Variants in AFAP1 observed in about 807,000 individuals in gnomAD.
AFAP1 encodes the protein actin filament-associated protein 1.
Under a neutral mutation model 93.9 loss-of-function variants are expected in AFAP1, and 75 were observed. The ratio of observed to expected loss-of-function variants is 0.80; its 90% CI spans 0.66 to 0.97. AFAP1 has a LOEUF of 0.97. AFAP1 is among the 50% of genes least tolerant of loss of function. The pLI is 0.00. For synonymous variants in AFAP1, 517 were observed against 430.7 expected (o/e 1.20, Z -2.48); for missense variants, 1,201 against 1,050.8 (o/e 1.14, Z -1.98).
At chr4:7,782,309 G>T (rs913667171) in intron 12 of AFAP1, among the ~76,000 whole-genome samples, 4 of 152,196 alleles carry the variant, frequency 2.6e-5, no homozygotes, top group Non-Finnish European at 5.9e-5. Context: ...CCACCTGCAG[G>T]CTCCTCCAAG....
At chr4:7,803,006 G>A (rs1719197648) in intron 9 of AFAP1, among the ~76,000 whole-genome samples, 1 of 152,200 alleles carries the variant, frequency 6.6e-6, no homozygotes, top group Non-Finnish European at 1.5e-5. Context: ...GAGCACCCGA[G>A]TAACAGCGCT....
intron 8 of AFAP1, among the ~76,000 whole-genome samples, chr4:7,810,152 C>G (rs968860249): frequency 2.6e-5 from 4 of 152,212 alleles, no homozygotes; most frequent in African/African-American, 9.7e-5. Context: ...TGTGAGCCAC[C>G]GTGCCCGGCC....
intron 10 of AFAP1, among the ~76,000 whole-genome samples, chr4:7,797,223 T>C (rs977905805): frequency 6.6e-6 from 1 of 152,184 alleles, no homozygotes; most frequent in African/African-American, 2.4e-5. Flanking sequence ...ATTTAGAAAC[T>C]GTCATTATGA....
At chr4:7,888,385 T>G (rs1348715698) in intron 1 of AFAP1, among the ~76,000 whole-genome samples, 1 of 152,192 alleles carries the variant, frequency 6.6e-6, no homozygotes, top group Non-Finnish European at 1.5e-5. Flanking sequence ...CAATAAATTC[T>G]GAACTCCTCC....
intron 4 of AFAP1, among the ~76,000 whole-genome samples, chr4:7,848,083 G>A (rs1713948115): frequency 1.5e-5 from 2 of 133,294 alleles, no homozygotes; most frequent in African/African-American, 5.5e-5. Context: ...GTGGACGGAA[G>A]GAGGGAGGGA....
chr4:7,917,586 C>G (rs1720155824), intron 1 of AFAP1, among the ~76,000 whole-genome samples: 1 of 152,146 alleles, frequency 6.6e-6, no homozygotes, highest in South Asian at 2.1e-4. Context: ...AAGGCCGAAA[C>G]AGAAGGTAAA....
At chr4:7,831,245 C>A (rs1400901621) in intron 6 of AFAP1, among the ~76,000 whole-genome samples, 3 of 152,052 alleles carry the variant, frequency 2.0e-5, no homozygotes, top group Non-Finnish European at 4.4e-5. Flanking sequence ...CCTTTCTAAT[C>A]AAGACTTCTT....
At chr4:7,883,667 C>G (rs921320422) in intron 1 of AFAP1, among the ~76,000 whole-genome samples, 1 of 152,150 alleles carries the variant, frequency 6.6e-6, no homozygotes, top group Non-Finnish European at 1.5e-5. Context: ...TATTTTATAT[C>G]AAACAATAAA....
intron 6 of AFAP1, among the ~76,000 whole-genome samples, chr4:7,819,954 G>T (rs1216292619): frequency 6.6e-6 from 1 of 152,208 alleles, no homozygotes; most frequent in African/African-American, 2.4e-5. Flanking sequence ...CCCCAAGACA[G>T]GGCCTAAAGC....
chr4:7,821,459 C>T (rs564412600), intron 6 of AFAP1, among the ~76,000 whole-genome samples: 8 of 152,274 alleles, frequency 5.3e-5, no homozygotes, highest in South Asian at 4.1e-4. Context: ...CTTTCCCAGC[C>T]GCCCCCTACA....
intron 1 of AFAP1, among the ~76,000 whole-genome samples, chr4:7,925,134 G>C (rs370406161): frequency 6.6e-6 from 1 of 152,036 alleles, no homozygotes; most frequent in Non-Finnish European, 1.5e-5. Flanking sequence ...AACTCTGCCT[G>C]TCCTCATAGG....
intron 9 of AFAP1, among the ~76,000 whole-genome samples, chr4:7,808,275 G>C (rs1224345425): frequency 6.6e-6 from 1 of 152,176 alleles, no homozygotes; most frequent in African/African-American, 2.4e-5. Context: ...ATTCCGGATG[G>C]AAACTCTCAC....
rs1025346609 is a variant in AFAP1 at position 7,760,832 on chromosome 4, C to A, written c.*2933G>T. ...CCCCCTCACCTGACCTGTCCTCCGGCCAGCTCCATCGCGTGGCCACCACAT... is the reference window on the plus strand; with the variant it reads ...CCCCCTCACCTGACCTGTCCTCCGGACAGCTCCATCGCGTGGCCACCACAT... On this transcript the variant is annotated 3_prime_UTR_variant, in exon 18 of 18. Coordinates refer to ENST00000420658, the MANE Select transcript of AFAP1 (RefSeq NM_001134647.2). 26 of 152,352 alleles carry A rather than the reference C, an allele frequency of 1.7e-4. No individual in the cohort carries two copies. Among genetic ancestry groups the A allele is most frequent in the African/African-American group, 6.0e-4 (25 of 41,482 alleles). The allele number at this position is 152,352 out of a possible 1,614,324, so 9.4% of individuals were successfully genotyped here.
intron 6 of AFAP1, among the ~76,000 whole-genome samples, chr4:7,827,834 G>A (rs1279433448): frequency 5.3e-5 from 8 of 152,128 alleles, no homozygotes; most frequent in Non-Finnish European, 7.4e-5. Flanking sequence ...CACAAAGGGC[G>A]GGTGACGTCT....
At chr4:7,824,724 T>A (rs1303794466) in intron 6 of AFAP1, among the ~76,000 whole-genome samples, 3 of 151,984 alleles carry the variant, frequency 2.0e-5, no homozygotes, top group African/African-American at 7.3e-5. Context: ...GAGTGGAGAA[T>A]GACAGCAATG....
intron 1 of AFAP1, among the ~76,000 whole-genome samples, chr4:7,920,291 G>A (rs1183870419): frequency 6.6e-6 from 1 of 151,958 alleles, no homozygotes; most frequent in Admixed American, 6.6e-5. Flanking sequence ...TGAATTGAAT[G>A]GTGTTAATTC....
At chr4:7,897,485 T>C (rs1276832869) in intron 1 of AFAP1, among the ~76,000 whole-genome samples, 1 of 152,010 alleles carries the variant, frequency 6.6e-6, no homozygotes, top group Non-Finnish European at 1.5e-5. Flanking sequence ...GTCTCTTGCA[T>C]TCTGCTTTTT....
At chr4:7,772,648 G>T (rs1715593235) in intron 16 of AFAP1, 172 bp downstream of exon 16, 2 of 612,550 alleles carry the variant, frequency 3.3e-6, no homozygotes, top group Non-Finnish European at 5.6e-6. Flanking sequence ...AGGAACACAG[G>T]CCCGGCCGAT....
chr4:7,881,150 A>C (rs993193278), intron 1 of AFAP1, among the ~76,000 whole-genome samples: 1 of 151,888 alleles, frequency 6.6e-6, no homozygotes, highest in African/African-American at 2.4e-5. Flanking sequence ...ATCTAATCTA[A>C]ATTGGGGGGT....
Sources: gnomAD v4.1 joint callset for allele counts (sites outside exome capture counted in the v4.1 genomes callset) on GRCh38, gnomAD v4.1.1 for gene constraint, MANE v1.5 for transcripts, NCBI Gene and HGNC (gene_info 2026-07-23, HGNC 2026-07-21) for gene names.